Variants in SYNE2 observed in about 807,000 individuals in gnomAD.
The protein encoded by SYNE2 is nesprin-2.
In SYNE2, 431 loss-of-function variants were observed where a neutral mutation model predicts 856.3. The observed-to-expected ratio is 0.50, with a 90% CI of 0.47 to 0.55. The LOEUF (loss-of-function observed/expected upper bound fraction) is 0.55. SYNE2 is among the 20% of genes least tolerant of loss of function. The probability of loss-of-function intolerance (pLI) is 0.00; values close to 1 mark genes in which losing one functional copy is unlikely to be tolerated. For synonymous variants in SYNE2, 2,923 were observed against 2,872.3 expected, an observed-to-expected ratio of 1.02 and a Z score of -0.56; for missense variants, 8,129 against 8,023.2, an observed-to-expected ratio of 1.01 and a Z score of -0.50.
rs35413633 is a variant in SYNE2, at chr14:63,782,467, C to CAAAAAAAAAAAAAAAAAAAAAAAAA, written c.-305+20503_-305+20504insAAAAAAAAAAAAAAAAAAAAAAAAA. ...TGCCAACAAGAGTGAAACTCCATCT[C>CAAAAAAAAAAAAAAAAAAAAAAAAA]AAAAAAAAAAAAAAAAAAAAAAGAG... On this transcript the variant is annotated intron_variant, in intron 1 of 23. Coordinates refer to the SYNE2 transcript ENST00000674003. 4.0e-5 allele frequency among the ~76,000 whole-genome samples: 2 copies of CAAAAAAAAAAAAAAAAAAAAAAAAA among 49,644 alleles called. 1 individual carries two copies. Among genetic ancestry groups the CAAAAAAAAAAAAAAAAAAAAAAAAA allele is most frequent in the African/African-American group, 1.8e-4 (2 of 11,412 alleles). 32.6% of individuals were successfully genotyped at this position (49,644 alleles called of 152,430 possible).
chr14:64,012,440 G>A (rs1400962526), intron 32 of SYNE2, among the ~76,000 whole-genome samples: 3 of 152,168 alleles, frequency 2.0e-5, no homozygotes, highest in African/African-American at 7.2e-5. Flanking sequence ...AATCCACCAT[G>A]TTAAACTTGT....
intron 99 of SYNE2, among the ~76,000 whole-genome samples, chr14:64,198,845 A>G (rs907006034): frequency 6.6e-6 from 1 of 152,236 alleles, no homozygotes; most frequent in Non-Finnish European, 1.5e-5. Context: ...TGAAGAAGAC[A>G]AATCAGACAA....
intron 1 of SYNE2, among the ~76,000 whole-genome samples, chr14:63,779,301 G>A (rs1280695148): frequency 1.3e-5 from 2 of 150,016 alleles, no homozygotes; most frequent in Non-Finnish European, 3.0e-5. Context: ...CAACAGCCTG[G>A]GCAACACGAG....
chr14:64,123,012 T>C (rs1015532465), intron 70 of SYNE2, among the ~76,000 whole-genome samples: 20 of 151,858 alleles, frequency 1.3e-4, no homozygotes, highest in Non-Finnish European at 2.1e-4. Flanking sequence ...GGCAGGAGAA[T>C]TGCTTGAACC....
At position 64,221,449 on chromosome 14, in the gene SYNE2, C is replaced by T. The variant is rs959136431; in HGVS notation, c.20062-127C>T. 1.9e-5 allele frequency: 30 copies of T among 1,558,738 alleles called. No individual in the cohort carries two copies. In the East Asian group the frequency reaches 4.0e-4, roughly 21 times the overall value. ...TGGCATTTAGTTTAAAGCTGGTCCT[C>T]GTATTCAGTGGGTAAGGCCAGAAAA... On this transcript the variant is annotated intron_variant, in intron 111 of 115. Coordinates refer to ENST00000555002, the MANE Select transcript of SYNE2 (RefSeq NM_182914.3).
intron 1 of SYNE2, among the ~76,000 whole-genome samples, chr14:63,906,973 G>GACTAATCCCATT (rs762075104): frequency 6.6e-6 from 1 of 152,094 alleles, no homozygotes; most frequent in Non-Finnish European, 1.5e-5. Flanking sequence ...TTTATAAGGG[G>GACTAATCCCATT]ACTAATCCCA....
chr14:64,219,096 GTTTTTTTGTTTT>G (rs1375083728), intron 109 of SYNE2, 100 bp from the exon 110 acceptor site: 6 of 758,734 alleles, frequency 7.9e-6, no homozygotes, highest in Non-Finnish European at 1.2e-5. Flanking sequence ...ATCCCCTACA[GTTTTTTTGTTTT>G]TTTTTTTTTT....
chr14:63,771,469 T>A (rs1886909613), intron 1 of SYNE2, among the ~76,000 whole-genome samples: 1 of 152,202 alleles, frequency 6.6e-6, no homozygotes, highest in Non-Finnish European at 1.5e-5. Context: ...ATCCAGCAAT[T>A]TCACTCCTAT....
At chr14:64,108,404 G>A (rs141744996) in intron 65 of SYNE2, among the ~76,000 whole-genome samples, 1 of 152,068 alleles carries the variant, frequency 6.6e-6, no homozygotes, top group African/African-American at 2.4e-5. Context: ...GAGGAATAAG[G>A]AATCAAACCC....
At chr14:64,029,794 A>G in intron 43 of SYNE2, 101 bp from the exon 44 acceptor site, 1 of 1,343,522 alleles carries the variant, frequency 7.4e-7, no homozygotes, top group Non-Finnish European at 1.0e-6. Flanking sequence ...CTGTTTCAAG[A>G]TGAAACTGGT....
intron 1 of SYNE2, chr14:63,874,106 T>C (rs1478273841): frequency 6.6e-6 from 1 of 152,354 alleles, no homozygotes; most frequent in Non-Finnish European, 1.5e-5. Context: ...CTGTCCTGGC[T>C]GTGTGCTTCC....
chr14:63,956,851 G>A (rs957168717), intron 8 of SYNE2, among the ~76,000 whole-genome samples: 2 of 152,024 alleles, frequency 1.3e-5, no homozygotes, highest in Admixed American at 6.6e-5. Flanking sequence ...ACCAATTCCC[G>A]TGTATACCAA....
chr14:64,039,266 T>C (rs1177966420), intron 45 of SYNE2, among the ~76,000 whole-genome samples: 1 of 152,242 alleles, frequency 6.6e-6, no homozygotes, highest in African/African-American at 2.4e-5. Flanking sequence ...TTTCTGCCTG[T>C]CACAAAGTTA....
intron 32 of SYNE2, among the ~76,000 whole-genome samples, chr14:64,014,720 G>A (rs117075213): frequency 1.3e-5 from 2 of 152,070 alleles, no homozygotes; most frequent in East Asian, 1.9e-4. Context: ...ACCATGCCAG[G>A]CCTGCATGTT....
intron 2 of SYNE2, among the ~76,000 whole-genome samples, chr14:63,925,034 G>T (rs2095646958): frequency 6.6e-6 from 1 of 151,970 alleles, no homozygotes; most frequent in Non-Finnish European, 1.5e-5. Context: ...AGGTGCAGTG[G>T]CTCATGCCCA....
At chr14:63,924,760 A>G (rs1469174385) in intron 2 of SYNE2, among the ~76,000 whole-genome samples, 1 of 148,734 alleles carries the variant, frequency 6.7e-6, no homozygotes, top group African/African-American at 2.5e-5. Context: ...TTGTAGATAC[A>G]GTAGGATATT....
chr14:63,963,863 T>G (rs1304141108), intron 9 of SYNE2, 36 bp from the exon 10 acceptor site: 1 of 1,519,164 alleles, frequency 6.6e-7, no homozygotes, highest in South Asian at 1.1e-5. Flanking sequence ...CAAGCCCGTT[T>G]AAAATATAGT....
At chr14:64,224,954 C>G in intron 114 of SYNE2, 45 bp from the exon 115 acceptor site, 1 of 1,575,526 alleles carries the variant, frequency 6.3e-7, no homozygotes, top group East Asian at 2.2e-5. Context: ...ATTGATAGGA[C>G]TAAACTGTCT....
chr14:64,136,289 CAAA>C lies in SYNE2; in HGVS notation c.14647-1476_14647-1474del, dbSNP rs34694248. ...TGGGTGACAGAGCGAGACTTCATCTCAAAAAAAAAAAAAAAAAAAAAAAATTGG... is the reference window on the plus strand; with the variant it reads ...TGGGTGACAGAGCGAGACTTCATCTCAAAAAAAAAAAAAAAAAAAAATTGG... On this transcript the variant is annotated intron_variant, in intron 78 of 115. Transcript: ENST00000555002. Among the ~76,000 whole-genome samples, 37 of 62,032 alleles carry C rather than the reference CAAA, an allele frequency of 6.0e-4. No homozygotes were observed. The South Asian group carries it at 7.3e-3, about 12-fold the overall frequency. The allele number at this position is 62,032 out of a possible 152,430, so 40.7% of individuals were successfully genotyped here.
Sources: gnomAD v4.1 joint callset for allele counts (sites outside exome capture counted in the v4.1 genomes callset) on GRCh38, gnomAD v4.1.1 for gene constraint, MANE v1.5 for transcripts, NCBI Gene and HGNC (gene_info 2026-07-23, HGNC 2026-07-21) for gene names.